The following WDR17 variants were observed in gnomAD, a reference collection of about 807,000 sequenced individuals.
WDR17 encodes WD repeat-containing protein 17.
In WDR17, 143 loss-of-function variants were observed where a neutral mutation model predicts 161.7. The observed-to-expected ratio is 0.88, with a 90% CI of 0.77 to 1.02. The LOEUF (loss-of-function observed/expected upper bound fraction) is 1.02. WDR17 is among the 50% of genes least tolerant of loss of function. WDR17 has a pLI of 0.00. For missense variants in WDR17, 1,469 were observed against 1,520.9 expected (o/e 0.97, Z 0.57); for synonymous variants, 517 against 515.6 (o/e 1.00, Z -0.04).
At chr4:176,085,875 C>T (rs938100996) in intron 1 of WDR17, among the ~76,000 whole-genome samples, 28 of 152,008 alleles carry the variant, frequency 1.8e-4, no homozygotes, top group African/African-American at 6.0e-4. Flanking sequence ...AAGATAGAAA[C>T]TTAAATCTTT....
chr4:176,104,027 A>G (rs1370595632), intron 1 of WDR17, among the ~76,000 whole-genome samples: 1 of 152,158 alleles, frequency 6.6e-6, no homozygotes, highest in Non-Finnish European at 1.5e-5. Flanking sequence ...GAAGTGATTA[A>G]CACATACATA....
chr4:176,173,301 C>T lies in WDR17; in HGVS notation c.3279C>T (p.Thr1093=). 6.2e-7 allele frequency: 1 copy of T among 1,613,054 alleles called. No homozygotes were observed. The highest frequency in any genetic ancestry group is 8.5e-7 in the Non-Finnish European group (1 of 1,179,620). The change falls in exon 25 of 29, where the codon ACC becomes ACT. Residue 1093 remains threonine, a synonymous_variant. Coordinates refer to ENST00000508596, the MANE Select transcript of WDR17 (RefSeq NM_181265.4). ...GTAGCTCAGACTGGACTTTGGATAC[C>T]ATATACCCTGTTCTTGACCTACTGA... ...YISSSDWTLD[T]IYPVLDLLSY...
At chr4:176,105,909 A>G (rs1484106505) in intron 1 of WDR17, among the ~76,000 whole-genome samples, 2 of 152,108 alleles carry the variant, frequency 1.3e-5, no homozygotes, top group African/African-American at 4.8e-5. Context: ...AAAAAGATCA[A>G]CGAAATTGTC....
At chr4:176,146,398 G>A (rs778394181) in intron 12 of WDR17, among the ~76,000 whole-genome samples, 1 of 152,076 alleles carries the variant, frequency 6.6e-6, no homozygotes, top group Non-Finnish European at 1.5e-5. Context: ...GAATGATTAA[G>A]CATTTTCGTT....
At chr4:176,152,017 C>T (rs538370000) in intron 17 of WDR17, 50 bp downstream of exon 17, 39 of 1,537,384 alleles carry the variant, frequency 2.5e-5, no homozygotes, top group African/African-American at 1.1e-4. Context: ...GTAGTCTAAA[C>T]GTTAAGAATA....
chr4:176,165,869 C>T (rs1749700462), intron 22 of WDR17, among the ~76,000 whole-genome samples: 1 of 152,094 alleles, frequency 6.6e-6, no homozygotes, highest in Non-Finnish European at 1.5e-5. Context: ...TTAATATATC[C>T]ATAGATATGT....
chr4:176,168,641 A>G, intron 22 of WDR17, 31 bp from the exon 23 acceptor site: 1 of 1,612,464 alleles, frequency 6.2e-7, no homozygotes, highest in East Asian at 2.2e-5. Context: ...TCTTCTCCTC[A>G]ATGAAGTGTC....
intron 1 of WDR17, among the ~76,000 whole-genome samples, chr4:176,067,742 T>C (rs1021265271): frequency 3.9e-5 from 6 of 152,206 alleles, no homozygotes; most frequent in Non-Finnish European, 7.3e-5. Flanking sequence ...GCTTTTGTTG[T>C]TGCTGTTTTC....
chr4:176,106,770 G>A (rs770856209), intron 1 of WDR17, among the ~76,000 whole-genome samples: 12 of 152,110 alleles, frequency 7.9e-5, no homozygotes, highest in Non-Finnish European at 1.5e-4. Context: ...CCTGTGCAGC[G>A]TGGTGAGACT....
Position 176,115,847 on chromosome 4 carries a change from A to G in WDR17, c.175A>G (p.Lys59Glu). Residue 59 changes from lysine to glutamate, a missense_variant, in exon 3 of 29, where the codon AAA becomes GAA. Coordinates refer to ENST00000508596, the MANE Select transcript of WDR17 (RefSeq NM_181265.4). ...FKLHAIMSEHKKTITAISWCP... is the reference protein window; with the variant it reads ...FKLHAIMSEHEKTITAISWCP... ...ACTTCACGCAATTATGTCTGAACATAAAAAAACAATCACAGCAATTTCTTG... is the reference window on the plus strand; with the variant it reads ...ACTTCACGCAATTATGTCTGAACATGAAAAAACAATCACAGCAATTTCTTG... The G allele has an allele frequency of 6.2e-7, 1 of 1,610,922 alleles. No homozygotes were observed. The highest frequency in any genetic ancestry group is 2.2e-5 in the East Asian group (1 of 44,620).
chr4:176,134,235 C>G (rs1029684337), intron 7 of WDR17, among the ~76,000 whole-genome samples: 2 of 151,688 alleles, frequency 1.3e-5, no homozygotes, highest in African/African-American at 4.8e-5. Flanking sequence ...TAAGGACTTT[C>G]TTCTCTACCC....
In WDR17 at chr4:176,112,584, T is replaced by C. The variant is rs374501421; in HGVS notation, c.123+881T>C. On this transcript the variant is annotated intron_variant, in intron 2 of 28. Coordinates refer to ENST00000508596, the MANE Select transcript of WDR17 (RefSeq NM_181265.4). The stretch of plus-strand genomic sequence containing the variant: ...CATATCTTGCCTTTGCTTACACTAA[T>C]TTTTCAGTTTGCTTACATTGCCTGT... 7.9e-5 allele frequency among the ~76,000 whole-genome samples: 12 copies of C among 152,350 alleles called. 1 individual carries two copies. The highest frequency in any genetic ancestry group is 5.2e-4 in the Admixed American group (8 of 15,302).
intron 16 of WDR17, 75 bp from the exon 17 acceptor site, chr4:176,151,737 G>A (rs1747148938): frequency 3.9e-6 from 5 of 1,294,606 alleles, no homozygotes; most frequent in East Asian, 5.0e-5. Context: ...TTCAAAATAT[G>A]CAACAAATTA....
intron 1 of WDR17, among the ~76,000 whole-genome samples, chr4:176,094,897 C>A (rs1467824616): frequency 1.3e-5 from 2 of 151,942 alleles, no homozygotes; most frequent in East Asian, 3.9e-4. Flanking sequence ...GAAAGGAAAA[C>A]CTTACTTGAA....
At chr4:176,083,148 A>G in intron 1 of WDR17, among the ~76,000 whole-genome samples, 1 of 150,850 alleles carries the variant, frequency 6.6e-6, no homozygotes, top group Non-Finnish European at 1.5e-5. Context: ...GGCATTTTAG[A>G]CTTGTTATAT....
chr4:176,072,773 T>C (rs576960453), intron 1 of WDR17, among the ~76,000 whole-genome samples: 1 of 152,330 alleles, frequency 6.6e-6, no homozygotes, highest in East Asian at 1.9e-4. Context: ...GTTTTTAGGG[T>C]TTTATTTTTT....
At chr4:176,124,010 G>A (rs923905413) in intron 4 of WDR17, among the ~76,000 whole-genome samples, 2 of 152,086 alleles carry the variant, frequency 1.3e-5, no homozygotes, top group African/African-American at 2.4e-5. Flanking sequence ...CAGGAAACAG[G>A]GATGAAAACC....
At chr4:176,099,924 TA>T (rs1737542372) in intron 1 of WDR17, among the ~76,000 whole-genome samples, 1 of 152,202 alleles carries the variant, frequency 6.6e-6, no homozygotes, top group African/African-American at 2.4e-5. Context: ...ACATGATTTT[TA>T]ATGGCTGAAT....
chr4:176,167,478 C>CAG (rs1749955724), intron 22 of WDR17, among the ~76,000 whole-genome samples: 1 of 150,266 alleles, frequency 6.7e-6, no homozygotes, highest in Non-Finnish European at 1.5e-5. Flanking sequence ...AACCCCGTCT[C>CAG]TACTAAAAAT....
Sources: gnomAD v4.1 joint callset for allele counts (sites outside exome capture counted in the v4.1 genomes callset) on GRCh38, gnomAD v4.1.1 for gene constraint, MANE v1.5 for transcripts, NCBI Gene and HGNC (gene_info 2026-07-23, HGNC 2026-07-21) for gene names.